The following CLIC1 variants were observed in gnomAD, a reference collection of about 807,000 sequenced individuals.
CLIC1 encodes the protein chloride intracellular channel protein 1.
CLIC1 carries 16 observed loss-of-function variants against 26.4 expected under a neutral mutation model. That is an observed-to-expected ratio of 0.61 (90% CI 0.41 to 0.92). The LOEUF is 0.92. CLIC1 is among the 40% of genes least tolerant of loss of function. CLIC1 has a pLI of 0.00. For missense variants in CLIC1, 225 were observed against 289.7 expected, an observed-to-expected ratio of 0.78 and a Z score of 1.62; for synonymous variants, 98 against 120.8, an observed-to-expected ratio of 0.81 and a Z score of 1.24.
chr6:31,730,624 A>T lies in CLIC1; in HGVS notation c.*218T>A, dbSNP rs987197411. ...TTTTTATTCTGTATTTTATTACTGA[A>T]ATATGTTGTCCTACTCATCCCACCC... On this transcript the variant is annotated 3_prime_UTR_variant, in exon 6 of 6. Transcript: ENST00000375784. The surrounding 1 kb of genome is among the most constrained non-coding windows in gnomAD (Gnocchi z 5.1). The T allele has an allele frequency of 4.1e-5, 23 of 559,342 alleles. No individual in the cohort carries two copies. The highest frequency in any genetic ancestry group is 7.0e-5 in the Non-Finnish European group (22 of 313,468). The allele number at this position is 559,342 out of a possible 1,614,324, so 34.6% of individuals were successfully genotyped here.
In CLIC1 at chr6:31,736,146, TGG is replaced by T. The variant is rs1808315314; in HGVS notation, c.39+114_39+115del. ...CCACCCCTCAACCAAAGAGTGCACG[TGG>T]GATTGGGGGTGGGAGTCAAGGAGGG... On this transcript the variant is annotated intron_variant, in intron 1 of 5. Transcript: ENST00000375784. The surrounding 1 kb of genome is among the most constrained non-coding windows in gnomAD (Gnocchi z 5.0). 1 of 1,025,530 alleles carries T rather than the reference TGG, an allele frequency of 9.8e-7. No homozygotes were observed. Among genetic ancestry groups the T allele is most frequent in the African/African-American group, 1.6e-5 (1 of 63,470 alleles). The allele number at this position is 1,025,530 out of a possible 1,614,324, so 63.5% of individuals were successfully genotyped here.
upstream of CLIC1, chr6:31,737,077 TC>T (rs1000678330): frequency 6.6e-6 from 2 of 303,954 alleles, no homozygotes; most frequent in African/African-American, 4.5e-5. Context: ...CGGGCCCAGC[TC>T]AGCACTAGGA....
At position 31,734,305 on chromosome 6, in the gene CLIC1, C is replaced by T. The variant is rs1246381625; in HGVS notation, c.40-42G>A. The T allele has an allele frequency of 1.3e-6, 2 of 1,481,974 alleles. No homozygotes were observed. Among genetic ancestry groups the T allele is most frequent in the Admixed American group, 3.4e-5 (2 of 58,196 alleles). 91.8% of individuals were successfully genotyped at this position (1,481,974 alleles called of 1,614,324 possible). A position where few individuals can be genotyped will look rare whatever the true frequency, so the allele number is the denominator to read the frequency against. On this transcript the variant is annotated intron_variant, in intron 1 of 5. Transcript: ENST00000375784. This position sits in a 1 kb window ranked among gnomAD's most constrained non-coding sequence, Gnocchi z 5.3. ...ACCCAAGGTTATGCCTGATGCACCC[C>T]ACCCATCCCTAGGCCAGTCCCTGCA...
In CLIC1 at chr6:31,736,308, T is replaced by G; in HGVS notation, c.-8A>C. 6.2e-7 allele frequency: 1 copy of G among 1,612,828 alleles called. No individual in the cohort carries two copies. Among genetic ancestry groups the G allele is most frequent in the Non-Finnish European group, 8.5e-7 (1 of 1,179,984 alleles). ...CGGTTGTTCTTCAGCCATGGTTGCG[T>G]CGGGGACCAGGAAGTGGCCGTCCCT... On this transcript the variant is annotated 5_prime_UTR_variant, in exon 1 of 6. Transcript: ENST00000375784. This position sits in a 1 kb window ranked among gnomAD's most constrained non-coding sequence, Gnocchi z 5.0.
Position 31,731,000 on chromosome 6 carries a change from C to T in CLIC1, c.568G>A (p.Val190Met), listed in dbSNP as rs1032999310. The change falls in exon 6 of 6, where the codon GTG becomes ATG. Residue 190 changes from valine to methionine, a missense_variant. Val to Met is a conservative substitution (Grantham distance 21, BLOSUM62 1). Transcript: ENST00000375784. This position sits in a 1 kb window ranked among gnomAD's most constrained non-coding sequence, Gnocchi z 5.1. ...GTGAATCCCCGGTACTTCTTACACA[C>T]CACCTGAGGATGGGGAGAGGAGAGG... 2 of 1,612,332 alleles carry T rather than the reference C, an allele frequency of 1.2e-6. No homozygotes were observed. The highest frequency in any genetic ancestry group is 2.7e-5 in the African/African-American group (2 of 74,918).
rs1461354095 is a variant in CLIC1, at chr6:31,733,362, A to G, written c.382+204T>C. Among the ~76,000 whole-genome samples, 1 of 152,188 alleles carries G rather than the reference A, an allele frequency of 6.6e-6. No individual in the cohort carries two copies. Among genetic ancestry groups the G allele is most frequent in the Non-Finnish European group, 1.5e-5 (1 of 68,036 alleles). On this transcript the variant is annotated intron_variant, in intron 4 of 5. Coordinates refer to ENST00000375784, the Ensembl canonical transcript of CLIC1. This position sits in a 1 kb window ranked among gnomAD's most constrained non-coding sequence, Gnocchi z 5.4. ...CTCAGTGGGGCAGAAGAGGCTAGGGAACAAATGAGAAAAGCTTAAAAGTCT... is the reference window on the plus strand; with the variant it reads ...CTCAGTGGGGCAGAAGAGGCTAGGGGACAAATGAGAAAAGCTTAAAAGTCT...
Position 31,736,348 on chromosome 6 carries a change from G to A in CLIC1, c.-48C>T, listed in dbSNP as rs907827527. 6.2e-7 allele frequency: 1 copy of A among 1,612,262 alleles called. No individual in the cohort carries two copies. The highest frequency in any genetic ancestry group is 8.5e-7 in the Non-Finnish European group (1 of 1,179,948). On this transcript the variant is annotated 5_prime_UTR_variant, in exon 1 of 6. Transcript: ENST00000375784. The surrounding 1 kb of genome is among the most constrained non-coding windows in gnomAD (Gnocchi z 5.0). ...TGGCCGTCCCTGGGGGAACTGGGAG[G>A]GGCTGGGACCGGGGAAGGCGGGTCT...
rs1808213670 is a variant in CLIC1, at chr6:31,734,645, T to A, written c.40-382A>T. Among the ~76,000 whole-genome samples the A allele has an allele frequency of 6.6e-6, 1 of 151,750 alleles. No homozygotes were observed. The highest frequency in any genetic ancestry group is 6.6e-5 in the Admixed American group (1 of 15,240). ...GAGTAGAGTCTGAAGACAGGAGAGG[T>A]GGGTGGGGTTTGGGAGCCAGAGTTT... On this transcript the variant is annotated intron_variant, in intron 1 of 5. Transcript: ENST00000375784. The surrounding 1 kb of genome is among the most constrained non-coding windows in gnomAD (Gnocchi z 5.3).
rs1482949570 is a variant in CLIC1 at position 31,732,620 on chromosome 6, A to T, written c.383-222T>A. On this transcript the variant is annotated intron_variant, in intron 4 of 5. Transcript: ENST00000375784. The surrounding 1 kb of genome is among the most constrained non-coding windows in gnomAD (Gnocchi z 5.0). ...GAGTGCAGTGGCATGATCCCGGCTC[A>T]CTGCAACCTCTGCCTCCTAGATTCA... 6.6e-6 allele frequency among the ~76,000 whole-genome samples: 1 copy of T among 151,948 alleles called. No individual in the cohort carries two copies. Among genetic ancestry groups the T allele is most frequent in the Non-Finnish European group, 1.5e-5 (1 of 67,982 alleles).
At position 31,730,768 on chromosome 6, in the gene CLIC1, T is replaced by C; in HGVS notation, c.*74A>G. The C allele has an allele frequency of 2.6e-6, 4 of 1,515,976 alleles. No homozygotes were observed. The highest frequency in any genetic ancestry group is 3.6e-6 in the Non-Finnish European group (4 of 1,100,274). The allele number at this position is 1,515,976 out of a possible 1,614,324, so 93.9% of individuals were successfully genotyped here. A position where few individuals can be genotyped will look rare whatever the true frequency, so the allele number is the denominator to read the frequency against. On this transcript the variant is annotated 3_prime_UTR_variant, in exon 6 of 6. Coordinates refer to ENST00000375784, the Ensembl canonical transcript of CLIC1. This position sits in a 1 kb window ranked among gnomAD's most constrained non-coding sequence, Gnocchi z 5.1. ...CACTGGCCATTTTGGAGTGTGTCCA[T>C]TGGGTAGCAATGTGGAAACCACCAG...
In CLIC1 at chr6:31,736,328, G is replaced by T; in HGVS notation, c.-28C>A. ...TTGCGTCGGGGACCAGGAAGTGGCC[G>T]TCCCTGGGGGAACTGGGAGGGGCTG... On this transcript the variant is annotated 5_prime_UTR_variant, in exon 1 of 6. Transcript: ENST00000375784. The surrounding 1 kb of genome is among the most constrained non-coding windows in gnomAD (Gnocchi z 5.0). 1.9e-6 allele frequency: 3 copies of T among 1,612,678 alleles called. No homozygotes were observed. Among genetic ancestry groups the T allele is most frequent in the Non-Finnish European group, 2.5e-6 (3 of 1,179,952 alleles).
chr6:31,732,488 C>A lies in CLIC1; in HGVS notation c.383-90G>T. The A allele has an allele frequency of 1.2e-6, 1 of 810,930 alleles. No individual in the cohort carries two copies. Among genetic ancestry groups the A allele is most frequent in the Non-Finnish European group, 1.8e-6 (1 of 556,722 alleles). The allele number at this position is 810,930 out of a possible 1,614,324, so 50.2% of individuals were successfully genotyped here. On this transcript the variant is annotated intron_variant, in intron 4 of 5. Transcript: ENST00000375784. The surrounding 1 kb of genome is among the most constrained non-coding windows in gnomAD (Gnocchi z 5.0). ...TGGGGGTGGATACTAATGGTGAGTC[C>A]AAAATAATAATAGCTAACACTCATG...
At position 31,731,006 on chromosome 6, in the gene CLIC1, G is replaced by A. The variant is rs768561509; in HGVS notation, c.565-3C>T. On this transcript the variant is annotated splice_polypyrimidine_tract_variant and splice_region_variant and intron_variant, in intron 5 of 5. Transcript: ENST00000375784. ...CCCCGGTACTTCTTACACACCACCT[G>A]AGGATGGGGAGAGGAGAGGGACCAA... 4.3e-6 allele frequency: 7 copies of A among 1,612,170 alleles called. No individual in the cohort carries two copies. The highest frequency in any genetic ancestry group is 5.1e-6 in the Non-Finnish European group (6 of 1,179,656).
Position 31,730,691 on chromosome 6 carries a change from ATCCCCTCT to A in CLIC1, c.*143_*150del. 1.3e-6 allele frequency: 1 copy of A among 763,822 alleles called. No homozygotes were observed. 47.3% of individuals were successfully genotyped at this position (763,822 alleles called of 1,614,324 possible). On this transcript the variant is annotated 3_prime_UTR_variant, in exon 6 of 6. Transcript: ENST00000375784. The surrounding 1 kb of genome is among the most constrained non-coding windows in gnomAD (Gnocchi z 5.1). Reference sequence around the variant, plus strand: ...CCCAGGCCCCCCATTTCTTTCCCTCATCCCCTCTTCCACCACACCATCCCGGAACAAGT... The same window carrying A: ...CCCAGGCCCCCCATTTCTTTCCCTCATCCACCACACCATCCCGGAACAAGT...
intron 1 of CLIC1, among the ~76,000 whole-genome samples, chr6:31,735,184 CAA>C (rs1337254564): frequency 6.7e-6 from 1 of 149,850 alleles, no homozygotes; most frequent in Non-Finnish European, 1.5e-5. Flanking sequence ...CAGAGACACA[CAA>C]AGATGAGAGA....
At chr6:31,731,511 A>C (rs1164034722) in intron 5 of CLIC1, among the ~76,000 whole-genome samples, 3 of 152,242 alleles carry the variant, frequency 2.0e-5, no homozygotes, top group Non-Finnish European at 2.9e-5. Context: ...CATGTTGGCC[A>C]GGCTGGTCTC....
Position 31,732,132 on chromosome 6 carries a change from G to C in CLIC1, c.564+85C>G, listed in dbSNP as rs767176165. On this transcript the variant is annotated intron_variant, in intron 5 of 5. Transcript: ENST00000375784. This position sits in a 1 kb window ranked among gnomAD's most constrained non-coding sequence, Gnocchi z 5.0. Reference sequence around the variant, plus strand: ...CACCCTAAGAAAGAAATCGTCTTTAGAGTGGTTGTCAGGGGAAGCCCATGT... The same window carrying C: ...CACCCTAAGAAAGAAATCGTCTTTACAGTGGTTGTCAGGGGAAGCCCATGT... 78 of 1,138,632 alleles carry C rather than the reference G, an allele frequency of 6.9e-5. No individual in the cohort carries two copies. Among genetic ancestry groups the C allele is most frequent in the South Asian group, 1.5e-4 (6 of 39,162 alleles). The allele number at this position is 1,138,632 out of a possible 1,614,324, so 70.5% of individuals were successfully genotyped here. A position where few individuals can be genotyped will look rare whatever the true frequency, so the allele number is the denominator to read the frequency against.
At chr6:31,731,078 C>T (rs1453248201) in intron 5 of CLIC1, 75 bp from the exon 6 acceptor site, 2 of 1,359,028 alleles carry the variant, frequency 1.5e-6, no homozygotes, top group Non-Finnish European at 2.0e-6. Context: ...TCTCCCCAGG[C>T]CGACATGATA....
At position 31,736,105 on chromosome 6, in the gene CLIC1, T is replaced by C. The variant is rs1482749846; in HGVS notation, c.39+157A>G. 6.6e-6 allele frequency among the ~76,000 whole-genome samples: 1 copy of C among 152,130 alleles called. No homozygotes were observed. Among genetic ancestry groups the C allele is most frequent in the Non-Finnish European group, 1.5e-5 (1 of 68,036 alleles). On this transcript the variant is annotated intron_variant, in intron 1 of 5. Coordinates refer to ENST00000375784, the Ensembl canonical transcript of CLIC1. This position sits in a 1 kb window ranked among gnomAD's most constrained non-coding sequence, Gnocchi z 5.0. ...CTCATTACTTGCTAACAAGTTAATGTCTTCCCCTCTCAAAACCACCCCTCA... is the reference window on the plus strand; with the variant it reads ...CTCATTACTTGCTAACAAGTTAATGCCTTCCCCTCTCAAAACCACCCCTCA...
Sources: allele counts gnomAD v4.1 joint callset (sites outside exome capture counted in the v4.1 genomes callset), GRCh38; gene constraint gnomAD v4.1.1; non-coding constraint Gnocchi (gnomAD v3.1); transcripts MANE v1.5; gene names NCBI Gene and HGNC (gene_info 2026-07-23, HGNC 2026-07-21).